The following DNAH11 variants were observed in gnomAD, a reference collection of about 807,000 sequenced individuals.
DNAH11 encodes dynein axonemal heavy chain 11.
Under a neutral mutation model 526.0 loss-of-function variants are expected in DNAH11, and 442 were observed. That is an observed-to-expected ratio of 0.84 (90% confidence interval 0.78 to 0.91). The LOEUF (loss-of-function observed/expected upper bound fraction) is 0.91. DNAH11 is among the 40% of genes least tolerant of loss of function. The pLI, the probability that DNAH11 is intolerant of heterozygous loss-of-function variation, is 0.00. For missense variants in DNAH11, 6,989 were observed against 5,448.7 expected (o/e 1.28, Z -8.90); for synonymous variants, 2,461 against 1,935.9 (o/e 1.27, Z -7.12).
chr7:21,825,338 C>T (rs936320462), intron 65 of DNAH11, among the ~76,000 whole-genome samples: 4 of 152,186 alleles, frequency 2.6e-5, no homozygotes, highest in Non-Finnish European at 4.4e-5. Flanking sequence ...TTCATGCATA[C>T]AACTACAGGT....
chr7:21,864,609 T>C lies in DNAH11; in HGVS notation c.11448T>C (p.His3816=). Reference sequence around the variant, plus strand: ...TTCGATTCACAGTTGAACACACTCATCTGAGTCCCGTTGACTTCCTAACTT... The same window carrying C: ...TTCGATTCACAGTTGAACACACTCACCTGAGTCCCGTTGACTTCCTAACTT... The part of the protein sequence containing the change: ...FLLRFTVEHT[H]LSPVDFLTSQ... Residue 3816 remains histidine, a synonymous_variant, in exon 70 of 82, where the codon CAT becomes CAC. Coordinates refer to ENST00000409508, the MANE Select transcript of DNAH11 (RefSeq NM_001277115.2). The C allele has an allele frequency of 6.2e-7, 1 of 1,610,148 alleles. No homozygotes were observed. Among genetic ancestry groups the C allele is most frequent in the South Asian group, 1.1e-5 (1 of 90,208 alleles).
intron 66 of DNAH11, among the ~76,000 whole-genome samples, chr7:21,846,458 G>GTT (rs1320100978): frequency 6.6e-6 from 1 of 151,974 alleles, no homozygotes; most frequent in African/African-American, 2.4e-5. Flanking sequence ...TTTATCAAAT[G>GTT]TTTTTTCTGC....
chr7:21,668,583 A>C (rs1782513366), intron 30 of DNAH11, among the ~76,000 whole-genome samples: 1 of 152,214 alleles, frequency 6.6e-6, no homozygotes, highest in Admixed American at 6.5e-5. Flanking sequence ...CTTGTTAGCC[A>C]GCAAGTAGGA....
At position 21,543,075 on chromosome 7, in the gene DNAH11, T is replaced by G. The variant is rs1782647124; in HGVS notation, c.-171T>G. The G allele has an allele frequency of 7.3e-7, 1 of 1,368,288 alleles. No homozygotes were observed. The highest frequency in any genetic ancestry group is 1.5e-5 in the African/African-American group (1 of 67,100). 84.8% of individuals were successfully genotyped at this position (1,368,288 alleles called of 1,614,324 possible). A position where few individuals can be genotyped will look rare whatever the true frequency, so the allele number is the denominator to read the frequency against. On this transcript the variant is annotated 5_prime_UTR_variant, in exon 1 of 82. Coordinates refer to ENST00000409508, the MANE Select transcript of DNAH11 (RefSeq NM_001277115.2). Reference sequence around the variant, plus strand: ...TCGCTTCGGCCTGCGAGGCTACAGCTGTGCGCAGTGGCGCGGCTGCTAAGT... The same window carrying G: ...TCGCTTCGGCCTGCGAGGCTACAGCGGTGCGCAGTGGCGCGGCTGCTAAGT...
intron 30 of DNAH11, among the ~76,000 whole-genome samples, chr7:21,662,892 G>T (rs920568110): frequency 6.6e-6 from 1 of 152,014 alleles, no homozygotes; most frequent in Admixed American, 6.6e-5. Flanking sequence ...CGTTGAATTC[G>T]TAATGGTGAA....
chr7:21,675,850 A>C (rs1483819259), intron 30 of DNAH11, among the ~76,000 whole-genome samples: 3 of 152,204 alleles, frequency 2.0e-5, no homozygotes, highest in Admixed American at 1.3e-4. Flanking sequence ...TTCCATAAAG[A>C]TAATAAAATA....
intron 81 of DNAH11, among the ~76,000 whole-genome samples, chr7:21,900,531 T>G (rs900953963): frequency 5.9e-5 from 9 of 152,180 alleles, no homozygotes; most frequent in Admixed American, 2.0e-4. Flanking sequence ...AGGGTGAATC[T>G]CTAAGAGGGG....
Position 21,591,396 on chromosome 7 carries a change from G to C in DNAH11, c.2486G>C (p.Arg829Pro), listed in dbSNP as rs201261243. The change falls in exon 14 of 82, where the codon CGC becomes CCC. Residue 829 changes from arginine to proline, a missense_variant. By Grantham distance (103) the Arg-to-Pro change is moderately radical (BLOSUM62 -2). Coordinates refer to ENST00000409508, the MANE Select transcript of DNAH11 (RefSeq NM_001277115.2). ...TCCGAGTTGGAGCACAGAGTTGAGC[G>C]CACACAGAAAAACGTGAAGGTGATC... Reference protein sequence around the residue: ...ATSELEHRVERTQKNVKVIQQ... With the variant: ...ATSELEHRVEPTQKNVKVIQQ... The C allele has an allele frequency of 3.7e-6, 6 of 1,613,900 alleles. No homozygotes were observed. The highest frequency in any genetic ancestry group is 4.2e-6 in the Non-Finnish European group (5 of 1,179,864).
At chr7:21,723,458 A>G (rs16872860) in intron 44 of DNAH11, among the ~76,000 whole-genome samples, 3,765 of 152,262 alleles carry the variant, frequency 0.025, 150 homozygotes, top group African/African-American at 0.084. Context: ...CTGAACTCCC[A>G]TAAACTGCCG....
At chr7:21,799,306 G>T (rs1394700866) in intron 61 of DNAH11, among the ~76,000 whole-genome samples, 1 of 151,812 alleles carries the variant, frequency 6.6e-6, no homozygotes, top group Non-Finnish European at 1.5e-5. Context: ...TAATAACCCA[G>T]AATAGACCTG....
At chr7:21,694,952 G>A (rs1466669874) in intron 35 of DNAH11, among the ~76,000 whole-genome samples, 1 of 152,154 alleles carries the variant, frequency 6.6e-6, no homozygotes, top group African/African-American at 2.4e-5. Context: ...AATGACCAGT[G>A]ATGATGAACT....
At chr7:21,892,711 T>C in intron 77 of DNAH11, 44 bp downstream of exon 77, 1 of 1,522,480 alleles carries the variant, frequency 6.6e-7, no homozygotes, top group African/African-American at 1.4e-5. Context: ...GAAGTATAAC[T>C]TACTTGTACT....
chr7:21,735,633 C>T lies in DNAH11; in HGVS notation c.7441-7C>T. The T allele has an allele frequency of 6.4e-7, 1 of 1,569,268 alleles. No individual in the cohort carries two copies. The highest frequency in any genetic ancestry group is 8.7e-7 in the Non-Finnish European group (1 of 1,155,728). On this transcript the variant is annotated splice_region_variant and splice_polypyrimidine_tract_variant and intron_variant, in intron 45 of 81. Coordinates refer to ENST00000409508, the MANE Select transcript of DNAH11 (RefSeq NM_001277115.2). ...TGATCTTTGTCTCATTCTGTTTCTC[C>T]TCCCAGACAGTTCTCGTTCACACAA...
At chr7:21,547,420 T>C (rs1291491827) in intron 2 of DNAH11, among the ~76,000 whole-genome samples, 3 of 152,190 alleles carry the variant, frequency 2.0e-5, no homozygotes, top group African/African-American at 4.8e-5. Flanking sequence ...ATCGGGTGTT[T>C]AGTAGGCAGG....
intron 65 of DNAH11, among the ~76,000 whole-genome samples, chr7:21,828,810 A>ATGT (rs149793138): frequency 0.013 from 1,972 of 149,136 alleles, 42 homozygotes; most frequent in African/African-American, 0.044. Flanking sequence ...TGAAACACCA[A>ATGT]TGTTGTTGTT....
At chr7:21,869,087 TG>T (rs1783400288) in intron 73 of DNAH11, 96 bp downstream of exon 73, 1 of 1,535,210 alleles carries the variant, frequency 6.5e-7, no homozygotes. Context: ...TTAACACCGC[TG>T]TGCATGGCGA....
intron 55 of DNAH11, among the ~76,000 whole-genome samples, chr7:21,771,722 A>C (rs1787441146): frequency 1.3e-5 from 2 of 152,082 alleles, no homozygotes; most frequent in Admixed American, 6.6e-5. Context: ...GGTTTTTATT[A>C]AGAGGCCAAA....
chr7:21,770,147 G>A (rs188406578), intron 55 of DNAH11, among the ~76,000 whole-genome samples: 115 of 152,142 alleles, frequency 7.6e-4, no homozygotes, highest in Non-Finnish European at 1.5e-3. Context: ...TAGCAGAACT[G>A]ATAGAGGTTC....
chr7:21,801,504 G>A (rs1049926004), intron 62 of DNAH11, among the ~76,000 whole-genome samples: 4 of 152,134 alleles, frequency 2.6e-5, no homozygotes, highest in African/African-American at 7.2e-5. Context: ...GATCTCCAAC[G>A]AAAACAGGGA....
Sources: gnomAD v4.1 joint callset for allele counts (sites outside exome capture counted in the v4.1 genomes callset) on GRCh38, gnomAD v4.1.1 for gene constraint, MANE v1.5 for transcripts, NCBI Gene and HGNC (gene_info 2026-07-23, HGNC 2026-07-21) for gene names.